The following GRIK1 variants were observed in gnomAD, a reference collection of about 807,000 sequenced individuals.
The protein encoded by GRIK1 is glutamate ionotropic receptor kainate type subunit 1, also known as glutamate receptor ionotropic, kainate 1.
GRIK1 carries 69 observed loss-of-function variants against 105.7 expected under a neutral mutation model. That is an observed-to-expected ratio of 0.65 (90% confidence interval 0.54 to 0.80). GRIK1 has a LOEUF of 0.80. Among genes scored for constraint, GRIK1 ranks in the 30% least tolerant of loss-of-function variants. GRIK1 has a pLI of 0.00. For synonymous variants in GRIK1, 438 were observed against 431.3 expected (o/e 1.02, Z -0.19); for missense variants, 1,109 against 1,167.3 (o/e 0.95, Z 0.73).
intron 7 of GRIK1, among the ~76,000 whole-genome samples, chr21:29,609,652 G>A (rs563433174): frequency 6.6e-6 from 1 of 152,134 alleles, no homozygotes; most frequent in African/African-American, 2.4e-5. Context: ...CTTTTTTTCT[G>A]CTTTATTGTT....
intron 7 of GRIK1, among the ~76,000 whole-genome samples, chr21:29,605,951 AG>A (rs1250448779): frequency 1.3e-5 from 2 of 152,078 alleles, no homozygotes; most frequent in Non-Finnish European, 2.9e-5. Flanking sequence ...ATCAAGGTGA[AG>A]AAAAAAATTG....
At chr21:29,676,366 C>A (rs2063267106) in intron 3 of GRIK1, among the ~76,000 whole-genome samples, 1 of 152,188 alleles carries the variant, frequency 6.6e-6, no homozygotes, top group South Asian at 2.1e-4. Context: ...TAAGAAAAGC[C>A]TTTCTGCCTT....
chr21:29,859,114 G>A (rs992059964), intron 1 of GRIK1, among the ~76,000 whole-genome samples: 3 of 146,602 alleles, frequency 2.0e-5, no homozygotes, highest in African/African-American at 5.1e-5. Context: ...TCGCAAGGAC[G>A]AAAAACCAAA....
Position 29,892,138 on chromosome 21 carries a change from G to A in GRIK1, c.118+47245C>T, listed in dbSNP as rs148155438. Among the ~76,000 whole-genome samples the A allele has an allele frequency of 1.6e-3, 240 of 152,272 alleles. 1 individual carries two copies. Among genetic ancestry groups the A allele is most frequent in the Middle Eastern group, 6.8e-3 (2 of 294 alleles). ...GCCTCAGTCACAGGCTTTCCATTAG[G>A]CAATGAGAGTAACCTGGTGTAAGAT... On this transcript the variant is annotated intron_variant, in intron 1 of 17. Coordinates refer to ENST00000327783, the MANE Select transcript of GRIK1 (RefSeq NM_001330994.2).
At chr21:29,825,344 T>A (rs1162963340) in intron 1 of GRIK1, among the ~76,000 whole-genome samples, 1 of 152,048 alleles carries the variant, frequency 6.6e-6, no homozygotes, top group Non-Finnish European at 1.5e-5. Flanking sequence ...ATTTAGAAGT[T>A]AGTGATGATG....
chr21:29,613,813 A>G (rs553432718), intron 7 of GRIK1, among the ~76,000 whole-genome samples: 1 of 152,298 alleles, frequency 6.6e-6, no homozygotes, highest in African/African-American at 2.4e-5. Context: ...GAATGTTGAA[A>G]TGCTCTCATC....
chr21:29,814,921 A>C (rs539832930), intron 1 of GRIK1, among the ~76,000 whole-genome samples: 1 of 152,102 alleles, frequency 6.6e-6, no homozygotes, highest in South Asian at 2.1e-4. Context: ...TCCATCACTT[A>C]CCCGCCTGTG....
At chr21:29,868,767 C>G (rs1448409124) in intron 1 of GRIK1, among the ~76,000 whole-genome samples, 1 of 151,824 alleles carries the variant, frequency 6.6e-6, no homozygotes. Context: ...CTTTTGCTAT[C>G]ATTGTCAGGA....
rs363433 is a variant in GRIK1, at chr21:29,588,811, C to G, written c.1569+28G>C. The G allele has an allele frequency of 3.4e-6, 4 of 1,174,332 alleles. No individual in the cohort carries two copies. In the South Asian group the frequency reaches 5.1e-5, roughly 15 times the overall value. The allele number at this position is 1,174,332 out of a possible 1,614,324, so 72.7% of individuals were successfully genotyped here. On this transcript the variant is annotated intron_variant, in intron 11 of 17. Coordinates refer to ENST00000327783, the MANE Select transcript of GRIK1 (RefSeq NM_001330994.2). ...TCTTACTTTCTCTTATGCATATTTT[C>G]AGATATGTTAGAAATATTGTTACTT...
intron 7 of GRIK1, among the ~76,000 whole-genome samples, chr21:29,620,897 T>TA (rs1156387813): frequency 2.0e-5 from 3 of 148,202 alleles, no homozygotes; most frequent in African/African-American, 7.4e-5. Context: ...GTGTGATATA[T>TA]ATCATATATG....
At chr21:29,827,300 A>C (rs1275085398) in intron 1 of GRIK1, among the ~76,000 whole-genome samples, 1 of 152,126 alleles carries the variant, frequency 6.6e-6, no homozygotes, top group East Asian at 1.9e-4. Context: ...TTGCAATTTT[A>C]AGTAATATTA....
At chr21:29,898,496 G>A (rs2070260837) in intron 1 of GRIK1, among the ~76,000 whole-genome samples, 1 of 152,144 alleles carries the variant, frequency 6.6e-6, no homozygotes, top group South Asian at 2.1e-4. Flanking sequence ...CTTGGTCTTA[G>A]ACTATGAGAG....
Position 29,575,536 on chromosome 21 carries a change from A to T in GRIK1, c.2130+1428T>A, listed in dbSNP as rs532263453. On this transcript the variant is annotated intron_variant, in intron 14 of 17. Transcript: ENST00000327783. ...AATAATAGAAAGGAAAAGATTATTT[A>T]AAAAAAAATACCCCTGGCTGAGCGT... Among the ~76,000 whole-genome samples, 56 of 142,862 alleles carry T rather than the reference A, an allele frequency of 3.9e-4. No individual in the cohort carries two copies. The South Asian group carries it at 6.7e-3, about 17-fold the overall frequency. The allele number at this position is 142,862 out of a possible 152,430, so 93.7% of individuals were successfully genotyped here.
chr21:29,712,099 C>T (rs543805803), intron 1 of GRIK1, among the ~76,000 whole-genome samples: 5,885 of 150,724 alleles, frequency 0.039, 184 homozygotes, highest in Admixed American at 0.087. Flanking sequence ...CACACACACA[C>T]ACACACACAC....
chr21:29,625,991 G>A (rs2062120701), intron 7 of GRIK1, among the ~76,000 whole-genome samples: 1 of 152,036 alleles, frequency 6.6e-6, no homozygotes, highest in Non-Finnish European at 1.5e-5. Context: ...TTGGAGACAG[G>A]GCCTTTATAG....
intron 12 of GRIK1, among the ~76,000 whole-genome samples, chr21:29,584,176 A>G (rs1367086398): frequency 2.6e-5 from 4 of 152,216 alleles, no homozygotes; most frequent in African/African-American, 9.6e-5. Context: ...TTTGTGGCTG[A>G]GAATGCACAG....
chr21:29,664,946 G>T (rs1348387577), intron 4 of GRIK1, among the ~76,000 whole-genome samples: 1 of 152,124 alleles, frequency 6.6e-6, no homozygotes, highest in Non-Finnish European at 1.5e-5. Flanking sequence ...ATAGGCTTAA[G>T]ATGTGCCCTG....
intron 3 of GRIK1, among the ~76,000 whole-genome samples, chr21:29,674,083 T>G (rs1447166313): frequency 6.6e-6 from 1 of 151,940 alleles, no homozygotes; most frequent in African/African-American, 2.4e-5. Context: ...TGTTGTTTTT[T>G]TTTTTTAGTA....
chr21:29,673,196 A>G (rs1213256612), intron 3 of GRIK1, 32 bp from the exon 4 acceptor site: 3 of 1,465,234 alleles, frequency 2.0e-6, no homozygotes, highest in Non-Finnish European at 1.9e-6. Context: ...TGCAATGGAG[A>G]CTGTTCTGTC....
Sources: gnomAD v4.1 joint callset for allele counts (sites outside exome capture counted in the v4.1 genomes callset) on GRCh38, gnomAD v4.1.1 for gene constraint, MANE v1.5 for transcripts, NCBI Gene and HGNC (gene_info 2026-07-23, HGNC 2026-07-21) for gene names.